SKAP1: variants seen among roughly 807,000 people sequenced by gnomAD.
SKAP1 encodes src kinase-associated phosphoprotein 1.
In SKAP1, 44 loss-of-function variants were observed where a neutral mutation model predicts 58.5. The ratio of observed to expected loss-of-function variants is 0.75; its 90% CI spans 0.59 to 0.97. The LOEUF is 0.97. Among genes scored for constraint, SKAP1 ranks in the 50% least tolerant of loss-of-function variants. SKAP1 has a pLI of 0.00. For synonymous variants in SKAP1, 127 were observed against 149.7 expected, an observed-to-expected ratio of 0.85 and a Z score of 1.11; for missense variants, 390 against 435.2, an observed-to-expected ratio of 0.90 and a Z score of 0.92.
intron 4 of SKAP1, among the ~76,000 whole-genome samples, chr17:48,240,744 T>G (rs1230766189): frequency 6.6e-6 from 1 of 152,182 alleles, no homozygotes; most frequent in African/African-American, 2.4e-5. Context: ...CCTTGAAGCA[T>G]GTGCCAGTTA....
intron 3 of SKAP1, among the ~76,000 whole-genome samples, chr17:48,357,353 GGGTGCAGT>G: frequency 6.6e-6 from 1 of 152,118 alleles, no homozygotes; most frequent in East Asian, 1.9e-4. Flanking sequence ...TCTTTTGGCC[GGGTGCAGT>G]GGCTCACGCC....
chr17:48,310,022 G>A (rs1325227825), intron 4 of SKAP1, among the ~76,000 whole-genome samples: 2 of 152,152 alleles, frequency 1.3e-5, no homozygotes, highest in African/African-American at 4.8e-5. Context: ...ATACTACTTC[G>A]AAAGACCCTC....
At chr17:48,337,172 C>T (rs2066583919) in intron 4 of SKAP1, among the ~76,000 whole-genome samples, 1 of 152,066 alleles carries the variant, frequency 6.6e-6, no homozygotes, top group Admixed American at 6.5e-5. Context: ...CGGATTTAAG[C>T]TACTTAGGGC....
At chr17:48,160,586 G>A (rs561968498) in intron 11 of SKAP1, among the ~76,000 whole-genome samples, 3 of 151,806 alleles carry the variant, frequency 2.0e-5, no homozygotes, top group Admixed American at 6.6e-5. Context: ...ACAGGTCACC[G>A]CACAACCCCT....
intron 4 of SKAP1, among the ~76,000 whole-genome samples, chr17:48,318,177 C>G (rs1377982847): frequency 6.6e-6 from 1 of 152,166 alleles, no homozygotes; most frequent in Admixed American, 6.5e-5. Context: ...CATGTTGAAA[C>G]AGACCACTGG....
chr17:48,324,257 T>A (rs2066404071), intron 4 of SKAP1, among the ~76,000 whole-genome samples: 1 of 152,144 alleles, frequency 6.6e-6, no homozygotes. Flanking sequence ...TTTCCTATGA[T>A]AATATGACTC....
Position 48,187,900 on chromosome 17 carries a change from G to T in SKAP1, c.385C>A (p.Gln129Lys), listed in dbSNP as rs200982650. Residue 129 changes from glutamine to lysine, a missense_variant, in exon 6 of 13, where the codon CAG becomes AAG. Transcript: ENST00000336915. ...KDHSFFGSEW[Q>K]KRWCVVSRGL... ...CTGCTGACAACACACCATCGCTTCT[G>T]CCACTCCGATCCAAAGAAACTATGA... The T allele has an allele frequency of 2.5e-6, 4 of 1,613,728 alleles. No homozygotes were observed. In the African/African-American group the frequency reaches 5.3e-5, roughly 22 times the overall value.
At chr17:48,386,015 A>G (rs1254372511) in intron 2 of SKAP1, among the ~76,000 whole-genome samples, 2 of 152,132 alleles carry the variant, frequency 1.3e-5, no homozygotes, top group Non-Finnish European at 2.9e-5. Flanking sequence ...TAGCCCTGTA[A>G]CCTTTTGTCA....
intron 4 of SKAP1, among the ~76,000 whole-genome samples, chr17:48,208,270 C>G (rs1260347767): frequency 1.1e-4 from 17 of 152,158 alleles, no homozygotes; most frequent in Admixed American, 1.1e-3. Flanking sequence ...CTTACCATGT[C>G]ACTCCTGTGA....
At chr17:48,413,982 C>T (rs2067701015) in intron 1 of SKAP1, among the ~76,000 whole-genome samples, 1 of 151,960 alleles carries the variant, frequency 6.6e-6, no homozygotes, top group South Asian at 2.1e-4. Context: ...AGAGAAAAGG[C>T]AAAAATCAAA....
chr17:48,420,809 CT>C (rs1210048054), intron 1 of SKAP1, among the ~76,000 whole-genome samples: 2 of 152,142 alleles, frequency 1.3e-5, no homozygotes, highest in African/African-American at 4.8e-5. Context: ...CTGGATGATT[CT>C]TTACTGTGGA....
chr17:48,405,515 T>C (rs1335384662), intron 1 of SKAP1, among the ~76,000 whole-genome samples: 3 of 150,322 alleles, frequency 2.0e-5, no homozygotes, highest in African/African-American at 7.3e-5. Flanking sequence ...CTTTTTTTTT[T>C]TTTTGAGACA....
intron 2 of SKAP1, among the ~76,000 whole-genome samples, chr17:48,368,200 C>T (rs1385289170): frequency 6.6e-6 from 1 of 152,158 alleles, no homozygotes; most frequent in African/African-American, 2.4e-5. Flanking sequence ...ACAGATTAGT[C>T]CCTGCTGGAC....
intron 10 of SKAP1, among the ~76,000 whole-genome samples, chr17:48,167,965 T>A (rs1598388990): frequency 6.6e-6 from 1 of 152,122 alleles, no homozygotes; most frequent in Non-Finnish European, 1.5e-5. Flanking sequence ...AACTCTGAGG[T>A]GTTGAAGAGT....
intron 2 of SKAP1, among the ~76,000 whole-genome samples, chr17:48,372,270 C>T (rs930453306): frequency 6.6e-6 from 1 of 151,888 alleles, no homozygotes; most frequent in African/African-American, 2.4e-5. Context: ...CCACGTCTGG[C>T]CCTGTGCTAG....
At chr17:48,439,012 G>A in the SKAP1 span, among the ~76,000 whole-genome samples, 1 of 152,236 alleles carries the variant, frequency 6.6e-6, no homozygotes, top group Non-Finnish European at 1.5e-5. Context: ...TAGTTTGAAG[G>A]ATTAGAAACT....
At chr17:48,189,853 T>C (rs1206068815) in intron 4 of SKAP1, among the ~76,000 whole-genome samples, 31 of 151,904 alleles carry the variant, frequency 2.0e-4, no homozygotes, top group Admixed American at 2.0e-3. Flanking sequence ...GTTTTTTGTA[T>C]TTTTAGTAGA....
At chr17:48,216,667 T>G (rs1290338189) in intron 4 of SKAP1, among the ~76,000 whole-genome samples, 1 of 152,106 alleles carries the variant, frequency 6.6e-6, no homozygotes, top group African/African-American at 2.4e-5. Context: ...AATTTTTGTA[T>G]TTTTTGTAGA....
chr17:48,315,287 G>A (rs1162514925), intron 4 of SKAP1, among the ~76,000 whole-genome samples: 3 of 152,138 alleles, frequency 2.0e-5, no homozygotes, highest in Non-Finnish European at 4.4e-5. Flanking sequence ...GCTCTGAAAT[G>A]ATCCTCTACA....
Sources: gnomAD v4.1 joint callset for allele counts (sites outside exome capture counted in the v4.1 genomes callset) on GRCh38, gnomAD v4.1.1 for gene constraint, MANE v1.5 for transcripts, NCBI Gene and HGNC (gene_info 2026-07-23, HGNC 2026-07-21) for gene names.